Variants in JAKMIP3 observed in about 807,000 individuals in gnomAD.
The protein encoded by JAKMIP3 is Janus kinase and microtubule interacting protein 3, also known as janus kinase and microtubule-interacting protein 3.
JAKMIP3 carries 58 observed loss-of-function variants against 118.5 expected under a neutral mutation model. That is an observed-to-expected ratio of 0.49 (90% CI 0.40 to 0.61). JAKMIP3 has a LOEUF of 0.61. Ranked by LOEUF, JAKMIP3 falls within the 20% of genes least tolerant of loss-of-function variation. The pLI is 0.00. For synonymous variants in JAKMIP3, 486 were observed against 451.2 expected (o/e 1.08, Z -0.98); for missense variants, 950 against 1,109.0 (o/e 0.86, Z 2.04).
intron 1 of JAKMIP3, among the ~76,000 whole-genome samples, chr10:132,087,709 GA>G (rs747230974): frequency 6.7e-6 from 1 of 149,740 alleles, no homozygotes; most frequent in Non-Finnish European, 1.5e-5. Context: ...CTGAAGTCTT[GA>G]TTTTTTTTTT....
chr10:132,157,903 G>A (rs778087817), intron 19 of JAKMIP3, among the ~76,000 whole-genome samples: 4 of 151,966 alleles, frequency 2.6e-5, no homozygotes, highest in African/African-American at 9.7e-5. Flanking sequence ...TAATTTTTAC[G>A]AGGTTGATGG....
chr10:132,103,961 A>G (rs114760755), intron 1 of JAKMIP3, among the ~76,000 whole-genome samples: 115 of 152,278 alleles, frequency 7.6e-4, no homozygotes, highest in African/African-American at 2.7e-3. Flanking sequence ...CTGAATATAT[A>G]CGTGAAATCA....
Position 132,117,020 on chromosome 10 carries a change from G to A in JAKMIP3, c.136-57G>A. The A allele has an allele frequency of 6.5e-7, 1 of 1,544,942 alleles. No individual in the cohort carries two copies. ...AGCTCCCCCAAATGCACATTCAGGTGTGAGTGTGTGCATGGCTGGAGCTCC... is the reference window on the plus strand; with the variant it reads ...AGCTCCCCCAAATGCACATTCAGGTATGAGTGTGTGCATGGCTGGAGCTCC... On this transcript the variant is annotated intron_variant, in intron 2 of 23. Transcript: ENST00000684848. This position sits in a 1 kb window ranked among gnomAD's most constrained non-coding sequence, Gnocchi z 8.6.
At chr10:132,159,875 GGTCTCTT>G (rs2057820978) in intron 19 of JAKMIP3, among the ~76,000 whole-genome samples, 1 of 10,136 alleles carries the variant, frequency 9.9e-5, no homozygotes, top group African/African-American at 4.9e-4. Context: ...ATGCTGGGGG[GGTCTCTT>G]CCTGTGTGAT....
chr10:132,063,002 C>T (rs978773263), upstream of JAKMIP3, among the ~76,000 whole-genome samples: 1 of 152,166 alleles, frequency 6.6e-6, no homozygotes, highest in Non-Finnish European at 1.5e-5. Context: ...TTTGGACCCG[C>T]CGGGTCTGAG....
At chr10:132,166,321 G>C (rs1390179391) in intron 21 of JAKMIP3, among the ~76,000 whole-genome samples, 5 of 152,084 alleles carry the variant, frequency 3.3e-5, no homozygotes, top group African/African-American at 1.2e-4. Flanking sequence ...CTGAGATCCT[G>C]TCTCCAAAGA....
At position 132,117,422 on chromosome 10, in the gene JAKMIP3, C is replaced by T; in HGVS notation, c.481C>T (p.Leu161Phe). 1.2e-6 allele frequency: 2 copies of T among 1,613,958 alleles called. No homozygotes were observed. Among genetic ancestry groups the T allele is most frequent in the South Asian group, 1.1e-5 (1 of 91,082 alleles). The change falls in exon 3 of 24, where the codon CTC becomes TTC. Residue 161 changes from leucine (L) to phenylalanine (F), a missense_variant. Transcript: ENST00000684848. The surrounding 1 kb of genome is among the most constrained non-coding windows in gnomAD (Gnocchi z 8.6). ...KVKMQQEISE[L>F]KGAKRQVEEA... ...CAAGATGCAGCAGGAGATCTCCGAG[C>T]TCAAGGGCGCCAAAAGGCAGGTGGA... is the stretch of plus-strand genomic sequence containing the variant.
chr10:132,131,436 T>G (rs1481083380), intron 3 of JAKMIP3, among the ~76,000 whole-genome samples: 1 of 147,246 alleles, frequency 6.8e-6, no homozygotes, highest in Non-Finnish European at 1.5e-5. Context: ...TATGGGGGCC[T>G]GAGAGACAGG....
intron 23 of JAKMIP3, among the ~76,000 whole-genome samples, chr10:132,180,666 C>CGTGTGCGT (rs2061001535): frequency 1.4e-4 from 2 of 14,370 alleles, no homozygotes; most frequent in African/African-American, 6.4e-4. Context: ...TGCGTGTGTG[C>CGTGTGCGT]GTGTGTGTGC....
chr10:132,090,210 T>C (rs2042927765), intron 1 of JAKMIP3, among the ~76,000 whole-genome samples: 1 of 152,250 alleles, frequency 6.6e-6, no homozygotes, highest in Non-Finnish European at 1.5e-5. Flanking sequence ...GTTATCAGGA[T>C]GATGCTGGCC....
chr10:132,053,139 G>T lies in JAKMIP3; in HGVS notation c.-138+16401G>T, dbSNP rs369755945. ...CAGTTGCTCCTGCCAGGCAGCTGGA[G>T]GCTCTCCAGTTGGGAACACTTCAAG... On this transcript the variant is annotated intron_variant, in intron 1 of 23. Transcript: ENST00000657785. 2.8e-4 allele frequency among the ~76,000 whole-genome samples: 43 copies of T among 152,296 alleles called. No homozygotes were observed. The East Asian group carries it at 2.9e-3, about 10-fold the overall frequency.
At chr10:132,039,430 C>T (rs756196354) in intron 1 of JAKMIP3, among the ~76,000 whole-genome samples, 10 of 150,994 alleles carry the variant, frequency 6.6e-5, no homozygotes, top group Non-Finnish European at 1.5e-4. Flanking sequence ...AGAACAGTCT[C>T]AGTCAGGCCA....
intron 1 of JAKMIP3, among the ~76,000 whole-genome samples, chr10:132,086,536 G>C (rs1210637886): frequency 1.3e-5 from 2 of 152,040 alleles, no homozygotes; most frequent in South Asian, 2.1e-4. Flanking sequence ...AAATTTGAGA[G>C]CTCCAGTGTT....
intron 1 of JAKMIP3, among the ~76,000 whole-genome samples, chr10:132,099,851 C>T (rs569372158): frequency 6.7e-5 from 10 of 149,528 alleles, no homozygotes; most frequent in Non-Finnish European, 1.3e-4. Flanking sequence ...CGCACTGCCA[C>T]GCTGTCCGTC....
chr10:132,137,986 TG>T, intron 8 of JAKMIP3, 132 bp from the exon 9 acceptor site: 1 of 691,932 alleles, frequency 1.4e-6, no homozygotes, highest in Non-Finnish European at 2.2e-6. Flanking sequence ...CCTCCCGCTG[TG>T]GTGTGGGGAC....
intron 1 of JAKMIP3, among the ~76,000 whole-genome samples, chr10:132,079,832 C>T (rs534556827): frequency 2.6e-5 from 4 of 152,342 alleles, no homozygotes; most frequent in East Asian, 1.9e-4. Flanking sequence ...TGTTGCGGCA[C>T]GTATCAGAAT....
rs1170615222 is a variant in JAKMIP3 at position 132,117,529 on chromosome 10, G to A, written c.588G>A (p.Glu196=). The change falls in exon 3 of 24, where the codon GAG becomes GAA. Residue 196 remains glutamate, a synonymous_variant. Coordinates refer to ENST00000684848, the MANE Select transcript of JAKMIP3 (RefSeq NM_001323087.2). This position sits in a 1 kb window ranked among gnomAD's most constrained non-coding sequence, Gnocchi z 8.6. ...GCGTGTACCACCTGCACCAGGAGGA[G>A]ATCACCCGCATCAAGAAGGAGTGCG... ...IRSVYHLHQE[E]ITRIKKECER... The A allele has an allele frequency of 6.9e-6, 11 of 1,593,908 alleles. No homozygotes were observed. Among genetic ancestry groups the A allele is most frequent in the Non-Finnish European group, 6.0e-6 (7 of 1,170,224 alleles).
Position 132,145,527 on chromosome 10 carries a change from T to C in JAKMIP3, c.1696T>C (p.Trp566Arg). ...ALAEQGQDMK[W>R]IEEKQALYRR... is the part of the protein sequence containing the mutation. ...CAATTCCATTTGCAAGGATATGAAG[T>C]GGATTGAAGAGAAGCAGGCACTGTA... Residue 566 changes from tryptophan (W) to arginine (R), a missense_variant, in exon 13 of 24, where the codon TGG (tryptophan) becomes CGG (arginine). Trp to Arg is a moderately radical substitution (Grantham distance 101). Transcript: ENST00000684848. The C allele has an allele frequency of 3.2e-6, 5 of 1,560,036 alleles. No homozygotes were observed. Among genetic ancestry groups the C allele is most frequent in the Non-Finnish European group, 1.7e-6 (2 of 1,151,850 alleles).
chr10:132,059,350 C>T (rs2038330806), intron 1 of JAKMIP3, among the ~76,000 whole-genome samples: 1 of 152,248 alleles, frequency 6.6e-6, no homozygotes, highest in Admixed American at 6.5e-5. Context: ...CATTTGAAGC[C>T]TTTCATATGA....
Sources: gnomAD v4.1 joint callset for allele counts (sites outside exome capture counted in the v4.1 genomes callset) on GRCh38, gnomAD v4.1.1 for gene constraint, Gnocchi (gnomAD v3.1) non-coding constraint, MANE v1.5 for transcripts, NCBI Gene and HGNC (gene_info 2026-07-23, HGNC 2026-07-21) for gene names.